Variants in SLC25A16 observed in about 807,000 individuals in gnomAD.
The protein encoded by SLC25A16 is mitochondrial coenzyme A transporter SLC25A16.
A neutral mutation model predicts 41.5 loss-of-function variants in SLC25A16; 39 were observed. The ratio of observed to expected loss-of-function variants is 0.94; its 90% CI spans 0.73 to 1.23. The LOEUF is 1.23. SLC25A16 is among the 50% of genes most tolerant of loss of function. The pLI, the probability that SLC25A16 is intolerant of heterozygous loss-of-function variation, is 0.00. For synonymous variants in SLC25A16, 146 were observed against 147.8 expected, an observed-to-expected ratio of 0.99 and a Z score of 0.09; for missense variants, 421 against 426.9, an observed-to-expected ratio of 0.99 and a Z score of 0.12.
rs567737986 is a variant in SLC25A16, at chr10:68,524,086, G to A, written c.130+3160C>T. Among the ~76,000 whole-genome samples, 34 of 151,934 alleles carry A rather than the reference G, an allele frequency of 2.2e-4. 2 individuals are homozygous for A. The South Asian group carries it at 6.2e-3, about 28-fold the overall frequency. ...AGCACTATGGGAGGTCAAGGCGGGC[G>A]GATCACGAGGTCAGGAGATCGAGAC... On this transcript the variant is annotated intron_variant, in intron 1 of 8. Transcript: ENST00000609923.
At chr10:68,509,772 GATAGATAT>G (rs1389461452) in intron 2 of SLC25A16, among the ~76,000 whole-genome samples, 2 of 147,716 alleles carry the variant, frequency 1.4e-5, no homozygotes, top group African/African-American at 2.5e-5. Context: ...GATATAGATA[GATAGATAT>G]ATAGATAGAT....
chr10:68,506,474 C>A, intron 3 of SLC25A16, 111 bp downstream of exon 3: 3 of 736,010 alleles, frequency 4.1e-6, no homozygotes, highest in Non-Finnish European at 3.8e-6. Context: ...AATAATTTAA[C>A]TTTTTAAAAA....
chr10:68,479,571 C>CGGA lies in SLC25A16; in HGVS notation c.*3860_*3861insTCC, dbSNP rs545473757. Reference sequence around the variant, plus strand: ...CAGTAGTCCCAGCATTTTGGGAAGTCGGGGGGGCAGATCACTTGAGGTCAG... The same window carrying CGGA: ...CAGTAGTCCCAGCATTTTGGGAAGTCGGAGGGGGGGCAGATCACTTGAGGTCAG... On this transcript the variant is annotated 3_prime_UTR_variant, in exon 9 of 9. Transcript: ENST00000609923. 6.6e-6 allele frequency: 1 copy of CGGA among 150,964 alleles called. No individual in the cohort carries two copies. Among genetic ancestry groups the CGGA allele is most frequent in the African/African-American group, 2.5e-5 (1 of 40,464 alleles). 9.4% of individuals were successfully genotyped at this position (150,964 alleles called of 1,614,324 possible). A position where few individuals can be genotyped will look rare whatever the true frequency, so the allele number is the denominator to read the frequency against.
At chr10:68,507,195 C>A (rs186260367) in intron 2 of SLC25A16, among the ~76,000 whole-genome samples, 3 of 151,598 alleles carry the variant, frequency 2.0e-5, no homozygotes. Context: ...GCCCCAGCCT[C>A]CCAAGTAGCT....
At chr10:68,500,466 C>T (rs1186374589) in intron 4 of SLC25A16, among the ~76,000 whole-genome samples, 1 of 152,008 alleles carries the variant, frequency 6.6e-6, no homozygotes, top group Non-Finnish European at 1.5e-5. Flanking sequence ...AACCACCATG[C>T]CTGGCTAATT....
At chr10:68,495,244 C>G (rs1215111175) in intron 4 of SLC25A16, among the ~76,000 whole-genome samples, 1 of 151,842 alleles carries the variant, frequency 6.6e-6, no homozygotes. Context: ...AACCCCATCT[C>G]TACTAAAAAT....
intron 4 of SLC25A16, chr10:68,500,036 A>C: frequency 1.3e-5 from 4 of 299,892 alleles, no homozygotes; most frequent in African/African-American, 2.2e-5. Context: ...CCTTGATCTC[A>C]ATCTTTAGGT....
chr10:68,508,289 A>C (rs1395396649), intron 2 of SLC25A16, among the ~76,000 whole-genome samples: 2 of 151,992 alleles, frequency 1.3e-5, no homozygotes, highest in Non-Finnish European at 2.9e-5. Context: ...GACATATGTA[A>C]AAAGTAAAAT....
chr10:68,496,620 A>G, intron 4 of SLC25A16: 1 of 983,374 alleles, frequency 1.0e-6, no homozygotes, highest in Non-Finnish European at 1.2e-6. Context: ...AAGGACATAA[A>G]GATAAATCTA....
intron 4 of SLC25A16, among the ~76,000 whole-genome samples, chr10:68,494,087 T>C (rs1385974155): frequency 6.6e-6 from 1 of 152,110 alleles, no homozygotes; most frequent in Non-Finnish European, 1.5e-5. Context: ...ATATTAGGTA[T>C]TATAAGTAAT....
intron 4 of SLC25A16, among the ~76,000 whole-genome samples, chr10:68,502,694 T>A (rs978314988): frequency 1.5e-5 from 2 of 136,944 alleles, no homozygotes; most frequent in Non-Finnish European, 3.1e-5. Context: ...ATCACGCCAC[T>A]GCACTCCAAG....
intron 8 of SLC25A16, among the ~76,000 whole-genome samples, chr10:68,484,213 A>G (rs892191244): frequency 6.6e-6 from 1 of 152,190 alleles, no homozygotes; most frequent in African/African-American, 2.4e-5. Context: ...TAAAGGATGT[A>G]TATCCAGTTG....
chr10:68,511,298 G>T (rs2053058940), intron 2 of SLC25A16, among the ~76,000 whole-genome samples: 1 of 151,986 alleles, frequency 6.6e-6, no homozygotes, highest in Non-Finnish European at 1.5e-5. Context: ...TTTTTTGAGG[G>T]GGCTCGTATA....
rs2052469979 is a variant in SLC25A16 at position 68,480,306 on chromosome 10, T to G, written c.*3126A>C. 1 of 152,196 alleles carries G rather than the reference T, an allele frequency of 6.6e-6. No homozygotes were observed. Among genetic ancestry groups the G allele is most frequent in the African/African-American group, 2.4e-5 (1 of 41,464 alleles). The allele number at this position is 152,196 out of a possible 1,614,324, so 9.4% of individuals were successfully genotyped here. A position where few individuals can be genotyped will look rare whatever the true frequency, so the allele number is the denominator to read the frequency against. On this transcript the variant is annotated 3_prime_UTR_variant, in exon 9 of 9. Transcript: ENST00000609923. ...ATAAACACAGTCATTATTTTAAATA[T>G]TCTTCCATTCTGACTTATGTTTAGC...
chr10:68,522,029 G>A (rs1266380748), intron 1 of SLC25A16, among the ~76,000 whole-genome samples: 1 of 151,924 alleles, frequency 6.6e-6, no homozygotes, highest in Non-Finnish European at 1.5e-5. Flanking sequence ...GCGTGATGGC[G>A]CACACCACCT....
intron 4 of SLC25A16, among the ~76,000 whole-genome samples, chr10:68,499,122 G>A (rs1239640999): frequency 6.6e-6 from 1 of 152,126 alleles, no homozygotes; most frequent in African/African-American, 2.4e-5. Context: ...AGGAGGGTTG[G>A]GGGAGAGAGA....
intron 1 of SLC25A16, among the ~76,000 whole-genome samples, chr10:68,518,847 G>T (rs540918930): frequency 8.8e-4 from 134 of 151,932 alleles, no homozygotes; most frequent in African/African-American, 3.2e-3. Context: ...TTTTTACTCA[G>T]ATATTATATC....
chr10:68,486,237 A>AAAAAAAAAAC (rs2052560271), intron 8 of SLC25A16, among the ~76,000 whole-genome samples: 2 of 149,062 alleles, frequency 1.3e-5, no homozygotes, highest in African/African-American at 5.0e-5. Flanking sequence ...AAAACAAAAA[A>AAAAAAAAAAC]AAAAAAAAAA....
intron 4 of SLC25A16, among the ~76,000 whole-genome samples, chr10:68,499,148 A>G (rs2052798676): frequency 6.6e-6 from 1 of 152,090 alleles, no homozygotes. Context: ...AGAAACCACA[A>G]GCTCCTCTTT....
Sources: allele counts gnomAD v4.1 joint callset (sites outside exome capture counted in the v4.1 genomes callset), GRCh38; gene constraint gnomAD v4.1.1; transcripts MANE v1.5; gene names NCBI Gene and HGNC (gene_info 2026-07-23, HGNC 2026-07-21).